Variants in STK3 observed in about 807,000 individuals in gnomAD.
The protein encoded by STK3 is serine/threonine kinase 3, also known as serine/threonine-protein kinase 3.
Under a neutral mutation model 58.0 loss-of-function variants are expected in STK3, and 41 were observed. The observed-to-expected ratio is 0.71, with a 90% CI of 0.55 to 0.92. STK3 has a LOEUF of 0.92. Among genes scored for constraint, STK3 ranks in the 40% least tolerant of loss-of-function variants. STK3 has a pLI of 0.00. For synonymous variants in STK3, 170 were observed against 191.0 expected (o/e 0.89, Z 0.91); for missense variants, 479 against 602.7 (o/e 0.79, Z 2.15).
At chr8:98,898,772 T>C (rs1375287604) in intron 1 of STK3, among the ~76,000 whole-genome samples, 2 of 152,154 alleles carry the variant, frequency 1.3e-5, no homozygotes, top group Non-Finnish European at 2.9e-5. Context: ...ATCTTAAACA[T>C]AATGTAGTGT....
downstream of STK3, chr8:98,883,450 A>C (rs974223544): frequency 1.9e-6 from 1 of 535,388 alleles, no homozygotes; most frequent in African/African-American, 1.9e-5. Flanking sequence ...TATCTAAATC[A>C]CTCTCTTGGG....
At chr8:98,933,195 G>A (rs900292471) in intron 1 of STK3, among the ~76,000 whole-genome samples, 1 of 152,148 alleles carries the variant, frequency 6.6e-6, no homozygotes, top group African/African-American at 2.4e-5. Context: ...TATGTTTGTT[G>A]TAAAACATAT....
At chr8:98,593,954 ATG>A (rs1307356208) in intron 7 of STK3, among the ~76,000 whole-genome samples, 1 of 152,176 alleles carries the variant, frequency 6.6e-6, no homozygotes, top group African/African-American at 2.4e-5. Flanking sequence ...TAACTTTAAT[ATG>A]TACAAGTACT....
intron 6 of STK3, among the ~76,000 whole-genome samples, chr8:98,637,292 C>A (rs753366861): frequency 2.0e-4 from 30 of 151,904 alleles, no homozygotes; most frequent in Non-Finnish European, 3.7e-4. Flanking sequence ...CAAAACTATG[C>A]AATATTCTGT....
At chr8:98,440,564 CGTGT>C (rs59209840) in intron 1 of STK3, among the ~76,000 whole-genome samples, 42 of 149,866 alleles carry the variant, frequency 2.8e-4, no homozygotes, top group South Asian at 6.4e-4. Context: ...TACATAAGCA[CGTGT>C]GTGTGTGTGT....
chr8:98,866,098 T>A (rs1317333869), intron 3 of STK3, among the ~76,000 whole-genome samples: 1 of 152,240 alleles, frequency 6.6e-6, no homozygotes, highest in East Asian at 1.9e-4. Context: ...CATGCTCAGA[T>A]CTCTCAGGCA....
chr8:98,649,483 T>C (rs1820701934), intron 6 of STK3, among the ~76,000 whole-genome samples: 1 of 152,198 alleles, frequency 6.6e-6, no homozygotes, highest in Admixed American at 6.5e-5. Flanking sequence ...ATACTTAGAA[T>C]TTATTTAGGT....
chr8:98,585,210 A>G (rs1049474564), intron 7 of STK3, among the ~76,000 whole-genome samples: 1 of 151,532 alleles, frequency 6.6e-6, no homozygotes, highest in African/African-American at 2.4e-5. Flanking sequence ...GTTTTCTTCT[A>G]GGGTTTTTAT....
rs35431395 is a variant in STK3 at position 98,622,101 on chromosome 8, TAA to T, written c.685-25934_685-25933del. Reference sequence around the variant, plus strand: ...CAACATGGTAAAACCCTGTCTCTACTAAAAAAAAAAAAAAAAAAAAAAAATTA... The same window carrying T: ...CAACATGGTAAAACCCTGTCTCTACTAAAAAAAAAAAAAAAAAAAAAATTA... On this transcript the variant is annotated intron_variant, in intron 6 of 10. Transcript: ENST00000419617. Among the ~76,000 whole-genome samples the T allele has an allele frequency of 3.3e-3, 306 of 91,370 alleles. 2 individuals carry two copies. Among genetic ancestry groups the T allele is most frequent in the African/African-American group, 0.012 (280 of 24,070 alleles). 59.9% of individuals were successfully genotyped at this position (91,370 alleles called of 152,430 possible). A position where few individuals can be genotyped will look rare whatever the true frequency, so the allele number is the denominator to read the frequency against.
chr8:98,495,475 T>G (rs1274269475), intron 10 of STK3, among the ~76,000 whole-genome samples: 1 of 152,174 alleles, frequency 6.6e-6, no homozygotes, highest in Non-Finnish European at 1.5e-5. Flanking sequence ...TGTGCACTGT[T>G]CATCTGGAGT....
At chr8:98,582,429 G>A (rs771659320) in intron 7 of STK3, among the ~76,000 whole-genome samples, 1 of 151,424 alleles carries the variant, frequency 6.6e-6, no homozygotes, top group African/African-American at 2.4e-5. Context: ...TTATTGCACC[G>A]GAATGAATAT....
intron 6 of STK3, among the ~76,000 whole-genome samples, chr8:98,668,478 A>G (rs551882218): frequency 1.9e-4 from 29 of 152,310 alleles, no homozygotes; most frequent in Admixed American, 1.8e-3. Context: ...ATTATTTCCA[A>G]TATTTATTAG....
At chr8:98,390,477 A>T (rs1242238672), upstream of STK3, among the ~76,000 whole-genome samples, 1 of 152,070 alleles carries the variant, frequency 6.6e-6, no homozygotes, top group Non-Finnish European at 1.5e-5. Context: ...GTTTTTAGCC[A>T]TTTGATTATG....
chr8:98,605,506 G>A (rs554514973), intron 6 of STK3, among the ~76,000 whole-genome samples: 7 of 149,064 alleles, frequency 4.7e-5, no homozygotes, highest in African/African-American at 1.0e-4. Flanking sequence ...GCATGATCTC[G>A]GCTCACTGCA....
At chr8:98,504,143 A>G (rs557322166) in intron 10 of STK3, among the ~76,000 whole-genome samples, 1 of 152,266 alleles carries the variant, frequency 6.6e-6, no homozygotes, top group African/African-American at 2.4e-5. Flanking sequence ...CCATTATGTA[A>G]TGGCCTTCTT....
downstream of STK3, among the ~76,000 whole-genome samples, chr8:98,398,997 G>A (rs80023204): frequency 0.02 from 3,074 of 152,260 alleles, 98 homozygotes; most frequent in African/African-American, 0.07. Flanking sequence ...CTCCAAAGAG[G>A]TCCTGGTCCC....
At chr8:98,905,656 G>A in intron 1 of STK3, 2 of 776,122 alleles carry the variant, frequency 2.6e-6, no homozygotes, top group Admixed American at 1.7e-5. Context: ...GGTTTCTGAT[G>A]AACAGCTTCA....
intron 3 of STK3, among the ~76,000 whole-genome samples, chr8:98,837,767 CA>C (rs1184954968): frequency 6.6e-6 from 1 of 151,770 alleles, no homozygotes; most frequent in African/African-American, 2.4e-5. Context: ...CCATCTCTAC[CA>C]AAAAAATGTA....
intron 6 of STK3, chr8:98,598,608 A>G: frequency 1.0e-6 from 1 of 985,418 alleles, no homozygotes; most frequent in Middle Eastern, 5.2e-4. Flanking sequence ...TAGGTTTTAT[A>G]TGAGTTGATT....
Sources: allele counts gnomAD v4.1 joint callset (sites outside exome capture counted in the v4.1 genomes callset), GRCh38; gene constraint gnomAD v4.1.1; transcripts MANE v1.5; gene names NCBI Gene and HGNC (gene_info 2026-07-23, HGNC 2026-07-21).